Variants in USP3 observed in about 807,000 individuals in gnomAD.
USP3 encodes ubiquitin carboxyl-terminal hydrolase 3.
In USP3, 20 loss-of-function variants were observed where a neutral mutation model predicts 72.3. That is an observed-to-expected ratio of 0.28 (90% CI 0.19 to 0.40). The LOEUF (loss-of-function observed/expected upper bound fraction) is 0.40. USP3 is among the 10% of genes least tolerant of loss of function. The pLI, the probability that USP3 is intolerant of heterozygous loss-of-function variation, is 1.00. For missense variants in USP3, 479 were observed against 633.9 expected, an observed-to-expected ratio of 0.76 and a Z score of 2.62; for synonymous variants, 222 against 225.3, an observed-to-expected ratio of 0.99 and a Z score of 0.13.
intron 6 of USP3, 70 bp downstream of exon 6, chr15:63,558,258 C>T (rs917222748): frequency 1.1e-5 from 17 of 1,511,604 alleles, no homozygotes; most frequent in East Asian, 9.0e-5. Flanking sequence ...CTCCCTATCT[C>T]GTCTGCCACT....
At chr15:63,567,381 C>G (rs752389777) in intron 8 of USP3, among the ~76,000 whole-genome samples, 12 of 137,950 alleles carry the variant, frequency 8.7e-5, no homozygotes, top group Non-Finnish European at 1.5e-4. Context: ...GAGTCTCGCT[C>G]TGTTGCCCGG....
At chr15:63,523,187 G>A (rs2065940838) in intron 1 of USP3, among the ~76,000 whole-genome samples, 1 of 152,084 alleles carries the variant, frequency 6.6e-6, no homozygotes, top group South Asian at 2.1e-4. Flanking sequence ...GGTGTAGGAG[G>A]ATTTTGAGGG....
chr15:63,544,731 AAG>A lies in USP3; in HGVS notation c.284+7580_284+7581del. 1 of 702,164 alleles carries A rather than the reference AAG, an allele frequency of 1.4e-6. No individual in the cohort carries two copies. The highest frequency in any genetic ancestry group is 2.6e-6 in the Non-Finnish European group (1 of 384,750). 43.5% of individuals were successfully genotyped at this position (702,164 alleles called of 1,614,324 possible). On this transcript the variant is annotated intron_variant, in intron 3 of 14. Coordinates refer to ENST00000380324, the MANE Select transcript of USP3 (RefSeq NM_006537.4). The surrounding 1 kb of genome is among the most constrained non-coding windows in gnomAD (Gnocchi z 4.2). ...TGCGAAATGGAAAATACCGAGGGGT[AAG>A]AGAGTTCATGGTATATGGGATGAAA...
intron 4 of USP3, among the ~76,000 whole-genome samples, chr15:63,555,611 G>A (rs1477768944): frequency 6.6e-6 from 1 of 152,146 alleles, no homozygotes; most frequent in Non-Finnish European, 1.5e-5. Flanking sequence ...TATTTATATA[G>A]GTTACAACTG....
At chr15:63,567,774 C>T (rs2066714525) in intron 8 of USP3, among the ~76,000 whole-genome samples, 1 of 152,226 alleles carries the variant, frequency 6.6e-6, no homozygotes. Flanking sequence ...AGCCACCACA[C>T]CCGGCTTGAT....
At chr15:63,536,706 T>C (rs556561876) in intron 2 of USP3, among the ~76,000 whole-genome samples, 1 of 151,608 alleles carries the variant, frequency 6.6e-6, no homozygotes, top group Admixed American at 6.6e-5. Flanking sequence ...AAAAAAAAAT[T>C]AGCTGGGTGT....
intron 1 of USP3, among the ~76,000 whole-genome samples, chr15:63,527,376 AAG>A (rs2065998513): frequency 6.6e-6 from 1 of 152,216 alleles, no homozygotes; most frequent in Admixed American, 6.5e-5. Context: ...TGAGAAGAAA[AAG>A]AGCCTTCTCT....
intron 1 of USP3, among the ~76,000 whole-genome samples, chr15:63,523,584 A>C (rs1038764835): frequency 6.6e-6 from 1 of 152,244 alleles, no homozygotes; most frequent in African/African-American, 2.4e-5. Context: ...TGGCTAGTTC[A>C]GCTAAAACAA....
chr15:63,590,268 T>C (rs2067168665), intron 14 of USP3, among the ~76,000 whole-genome samples: 1 of 152,172 alleles, frequency 6.6e-6, no homozygotes, highest in South Asian at 2.1e-4. Flanking sequence ...TGTGTGTGAG[T>C]GGGTGGGTCA....
At chr15:63,569,218 T>G (rs1238264929) in intron 8 of USP3, among the ~76,000 whole-genome samples, 1 of 152,188 alleles carries the variant, frequency 6.6e-6, no homozygotes, top group Non-Finnish European at 1.5e-5. Flanking sequence ...AGGTACCTCC[T>G]TAGATATACA....
intron 6 of USP3, among the ~76,000 whole-genome samples, chr15:63,558,708 C>A (rs1453404515): frequency 6.6e-6 from 1 of 152,054 alleles, no homozygotes; most frequent in Non-Finnish European, 1.5e-5. Flanking sequence ...AACCCCATCT[C>A]TACTAAAAAT....
intron 11 of USP3, among the ~76,000 whole-genome samples, chr15:63,582,525 CTT>C (rs1231645505): frequency 6.6e-6 from 1 of 152,188 alleles, no homozygotes; most frequent in South Asian, 2.1e-4. Context: ...TATATTGCCT[CTT>C]TATGAATCAT....
chr15:63,533,124 C>CG (rs2066102538), intron 2 of USP3, among the ~76,000 whole-genome samples: 1 of 151,980 alleles, frequency 6.6e-6, no homozygotes, highest in South Asian at 2.1e-4. Flanking sequence ...ACATGGCAAT[C>CG]TTTTTTCACC....
chr15:63,577,860 T>C (rs1410197021), intron 11 of USP3, among the ~76,000 whole-genome samples: 1 of 150,648 alleles, frequency 6.6e-6, no homozygotes, highest in African/African-American at 2.4e-5. Context: ...AGCCCAGGAG[T>C]TGGAGGCTGC....
At chr15:63,564,817 G>T (rs1299040282) in intron 8 of USP3, among the ~76,000 whole-genome samples, 2 of 152,172 alleles carry the variant, frequency 1.3e-5, no homozygotes, top group African/African-American at 4.8e-5. Flanking sequence ...AATTGAGATT[G>T]TTCCCCATTT....
At chr15:63,523,732 G>C (rs2065946592) in intron 1 of USP3, among the ~76,000 whole-genome samples, 1 of 152,188 alleles carries the variant, frequency 6.6e-6, no homozygotes, top group South Asian at 2.1e-4. Flanking sequence ...TGGGCATGAT[G>C]GGGATCAAGT....
rs1237130077 is a variant in USP3, at chr15:63,544,757, A to G, written c.284+7601A>G. ...AGAGAGTTCATGGTATATGGGATGA[A>G]AGCTTAACTCTAAAACTAGAGCAGG... On this transcript the variant is annotated intron_variant, in intron 3 of 14. Transcript: ENST00000380324. This position sits in a 1 kb window ranked among gnomAD's most constrained non-coding sequence, Gnocchi z 4.2. 2 of 701,614 alleles carry G rather than the reference A, an allele frequency of 2.9e-6. No individual in the cohort carries two copies. The highest frequency in any genetic ancestry group is 5.4e-5 in the East Asian group (2 of 37,208). The allele number at this position is 701,614 out of a possible 1,614,324, so 43.5% of individuals were successfully genotyped here. A position where few individuals can be genotyped will look rare whatever the true frequency, so the allele number is the denominator to read the frequency against.
Position 63,529,114 on chromosome 15 carries a change from T to C in USP3, c.92-3533T>C. On this transcript the variant is annotated intron_variant, in intron 1 of 14. Coordinates refer to ENST00000380324, the MANE Select transcript of USP3 (RefSeq NM_006537.4). This position sits in a 1 kb window ranked among gnomAD's most constrained non-coding sequence, Gnocchi z 4.2. ...TCTAGGCTCAAGTGATTCTTCTGCCTCAGCCTCCCAAGTAGCTGGGACTAC... is the reference window on the plus strand; with the variant it reads ...TCTAGGCTCAAGTGATTCTTCTGCCCCAGCCTCCCAAGTAGCTGGGACTAC... The C allele has an allele frequency of 1.2e-5, 15 of 1,218,060 alleles. No individual in the cohort carries two copies. The highest frequency in any genetic ancestry group is 1.6e-5 in the Non-Finnish European group (15 of 924,124). 75.5% of individuals were successfully genotyped at this position (1,218,060 alleles called of 1,614,324 possible). A position where few individuals can be genotyped will look rare whatever the true frequency, so the allele number is the denominator to read the frequency against.
chr15:63,577,465 A>G (rs979005860), intron 11 of USP3, among the ~76,000 whole-genome samples: 1 of 152,256 alleles, frequency 6.6e-6, no homozygotes, highest in South Asian at 2.1e-4. Flanking sequence ...TGTCTGTACA[A>G]AGAAAAGAAG....
Sources: gnomAD v4.1 joint callset for allele counts (sites outside exome capture counted in the v4.1 genomes callset) on GRCh38, gnomAD v4.1.1 for gene constraint, Gnocchi (gnomAD v3.1) non-coding constraint, MANE v1.5 for transcripts, NCBI Gene and HGNC (gene_info 2026-07-23, HGNC 2026-07-21) for gene names.